Variants in SLC2A12 observed in about 807,000 individuals in gnomAD.
The protein encoded by SLC2A12 is solute carrier family 2, facilitated glucose transporter member 12.
SLC2A12 carries 23 observed loss-of-function variants against 41.8 expected under a neutral mutation model. The ratio of observed to expected loss-of-function variants is 0.55; its 90% CI spans 0.40 to 0.78. The LOEUF (loss-of-function observed/expected upper bound fraction) is 0.78, where lower values mean the gene tolerates loss of function less well. Among genes scored for constraint, SLC2A12 ranks in the 30% least tolerant of loss-of-function variants. SLC2A12 has a pLI of 0.00. For missense variants in SLC2A12, 654 were observed against 745.6 expected, an observed-to-expected ratio of 0.88 and a Z score of 1.43; for synonymous variants, 295 against 285.9, an observed-to-expected ratio of 1.03 and a Z score of -0.32.
intron 2 of SLC2A12, among the ~76,000 whole-genome samples, chr6:134,025,860 T>C (rs928450054): frequency 6.6e-6 from 1 of 152,220 alleles, no homozygotes; most frequent in African/African-American, 2.4e-5. Context: ...AGTAATTTTT[T>C]CTAAAATCAA....
At chr6:134,036,246 A>AC (rs1365320817) in intron 1 of SLC2A12, among the ~76,000 whole-genome samples, 2 of 151,730 alleles carry the variant, frequency 1.3e-5, no homozygotes, top group African/African-American at 2.4e-5. Context: ...TTTAAAAGAC[A>AC]CCCCCACCCC....
rs1773705810 is a variant in SLC2A12 at position 134,052,501 on chromosome 6, C to T, written c.-21G>A. On this transcript the variant is annotated 5_prime_UTR_variant, in exon 1 of 5. Transcript: ENST00000275230. ...ACCATGGTCACGTAGAAGTTACAGC[C>T]GCTTCCCCGCCACCAAACCGCCCCG... 1.9e-6 allele frequency: 3 copies of T among 1,602,616 alleles called. No homozygotes were observed. In the East Asian group the frequency reaches 6.7e-5, roughly 36 times the overall value.
intron 2 of SLC2A12, among the ~76,000 whole-genome samples, chr6:134,015,736 T>C (rs1175837287): frequency 6.6e-6 from 1 of 152,148 alleles, no homozygotes; most frequent in African/African-American, 2.4e-5. Flanking sequence ...ACCCAGTAGG[T>C]CTTGAAATGA....
intron 1 of SLC2A12, among the ~76,000 whole-genome samples, chr6:134,039,246 C>T (rs1026666494): frequency 6.6e-6 from 1 of 152,146 alleles, no homozygotes; most frequent in African/African-American, 2.4e-5. Flanking sequence ...ATTCATCCTC[C>T]ACATCACAGA....
chr6:134,008,387 A>G (rs1450138363), intron 2 of SLC2A12, among the ~76,000 whole-genome samples: 2 of 152,234 alleles, frequency 1.3e-5, no homozygotes, highest in Non-Finnish European at 2.9e-5. Flanking sequence ...GAATCTATAC[A>G]GGGTTACCTT....
Position 133,987,648 on chromosome 6 carries a change from G to GTGTGTGTA in SLC2A12, c.*3506_*3507insTACACACA, listed in dbSNP as rs200249148. The GTGTGTGTA allele has an allele frequency of 2.3e-5, 2 of 88,320 alleles. No individual in the cohort carries two copies. The highest frequency in any genetic ancestry group is 1.1e-4 in the Admixed American group (1 of 9,426). 5.5% of individuals were successfully genotyped at this position (88,320 alleles called of 1,614,324 possible). A position where few individuals can be genotyped will look rare whatever the true frequency, so the allele number is the denominator to read the frequency against. ...TTTGTGTGTGTGTGTGTGTGTGTGT[G>GTGTGTGTA]TATATATATATATATATATGCACCA... is the stretch of plus-strand genomic sequence containing the variant. On this transcript the variant is annotated 3_prime_UTR_variant, in exon 5 of 5. Transcript: ENST00000275230.
chr6:134,044,606 T>C (rs775300845), intron 1 of SLC2A12, among the ~76,000 whole-genome samples: 4 of 150,874 alleles, frequency 2.7e-5, no homozygotes, highest in African/African-American at 4.9e-5. Flanking sequence ...CCCAGCTACT[T>C]GGGAGGCTGA....
chr6:134,000,508 G>GT (rs1776743540), intron 4 of SLC2A12, among the ~76,000 whole-genome samples: 1 of 152,086 alleles, frequency 6.6e-6, no homozygotes, highest in Non-Finnish European at 1.5e-5. Context: ...TTTCTCTACT[G>GT]TTTTCAAAGT....
At chr6:134,021,257 C>T (rs1047791980) in intron 2 of SLC2A12, among the ~76,000 whole-genome samples, 2 of 152,194 alleles carry the variant, frequency 1.3e-5, no homozygotes, top group African/African-American at 4.8e-5. Context: ...CCCAATTTGA[C>T]ATTTTTCCTA....
intron 2 of SLC2A12, among the ~76,000 whole-genome samples, chr6:134,012,869 G>A (rs978446891): frequency 1.3e-5 from 2 of 152,128 alleles, no homozygotes; most frequent in African/African-American, 4.8e-5. Flanking sequence ...TACTCAGGAG[G>A]CATAGGCAGG....
intron 4 of SLC2A12, among the ~76,000 whole-genome samples, chr6:133,998,947 A>G (rs1196397905): frequency 1.3e-5 from 2 of 152,264 alleles, no homozygotes; most frequent in Non-Finnish European, 2.9e-5. Flanking sequence ...AAGTTATAAA[A>G]TTGAACAGTG....
intron 2 of SLC2A12, among the ~76,000 whole-genome samples, chr6:134,013,645 T>A (rs1192262664): frequency 6.6e-6 from 1 of 151,458 alleles, no homozygotes; most frequent in African/African-American, 2.4e-5. Flanking sequence ...GTTGAAAAAA[T>A]TTTGTTAATA....
intron 2 of SLC2A12, among the ~76,000 whole-genome samples, chr6:134,013,679 TAA>T (rs34924786): frequency 0.36 from 54,531 of 151,920 alleles, 9,837 homozygotes; most frequent in South Asian, 0.4. Flanking sequence ...ATTCTTTAAG[TAA>T]AACAGAAGTT....
rs1777160170 is a variant in SLC2A12, at chr6:134,029,181, T to C, written c.644A>G (p.Tyr215Cys). Residue 215 changes from tyrosine (Y) to cysteine (C), a missense_variant, in exon 2 of 5, where the codon TAT (tyrosine) becomes TGT (cysteine). By Grantham distance (194) the Tyr-to-Cys change is radical. This residue lies in a region of SLC2A12 where 411 missense variants were observed against 412.1 expected (regional missense o/e 1.00). Coordinates refer to ENST00000275230, the MANE Select transcript of SLC2A12 (RefSeq NM_145176.3). ...AAACCGAGGGCTTGGAGGAAGAAAA[T>C]ACATTGCAATTGCTTGCAAAACTCC... ...PLGVLQAIAM[Y>C]FLPPSPRFLV... The C allele has an allele frequency of 6.2e-7, 1 of 1,614,046 alleles. No homozygotes were observed.
chr6:134,004,976 A>G (rs1030573105), intron 3 of SLC2A12, among the ~76,000 whole-genome samples: 6 of 152,194 alleles, frequency 3.9e-5, no homozygotes, highest in Non-Finnish European at 8.8e-5. Flanking sequence ...AAAAAATGAC[A>G]TGTAAATCTC....
At chr6:134,043,656 G>C (rs954981607) in intron 1 of SLC2A12, among the ~76,000 whole-genome samples, 6 of 151,990 alleles carry the variant, frequency 3.9e-5, no homozygotes, top group African/African-American at 1.4e-4. Context: ...GCAAGGTGTG[G>C]TGGCATGTGC....
chr6:134,019,645 C>T (rs564536581), intron 2 of SLC2A12, among the ~76,000 whole-genome samples: 7 of 152,286 alleles, frequency 4.6e-5, no homozygotes, highest in Admixed American at 4.6e-4. Context: ...GGGCTCTTAG[C>T]CTCTCTGGGG....
chr6:134,002,981 C>T (rs768465684), intron 3 of SLC2A12, among the ~76,000 whole-genome samples: 6 of 152,178 alleles, frequency 3.9e-5, no homozygotes, highest in East Asian at 1.9e-4. Flanking sequence ...TGCATTGTGG[C>T]GGCCCCTGAC....
intron 1 of SLC2A12, among the ~76,000 whole-genome samples, chr6:134,038,017 TC>T (rs1223920885): frequency 6.6e-6 from 1 of 151,856 alleles, no homozygotes; most frequent in Non-Finnish European, 1.5e-5. Flanking sequence ...CTCCCACCCC[TC>T]CCCTGCACCC....
Sources: allele counts gnomAD v4.1 joint callset (sites outside exome capture counted in the v4.1 genomes callset), GRCh38; gene constraint gnomAD v4.1.1; regional missense constraint gnomAD v4.1.1; transcripts MANE v1.5; gene names NCBI Gene and HGNC (gene_info 2026-07-23, HGNC 2026-07-21).